PSMD13: variants seen among roughly 807,000 people sequenced by gnomAD.
PSMD13 encodes the protein 26S proteasome non-ATPase regulatory subunit 13.
In PSMD13, 8 loss-of-function variants were observed where a neutral mutation model predicts 57.4. The observed-to-expected ratio is 0.14, with a 90% CI of 0.08 to 0.25. The LOEUF (loss-of-function observed/expected upper bound fraction) is 0.25. Among genes scored for constraint, PSMD13 ranks in the 10% least tolerant of loss-of-function variants. The pLI is 1.00. For synonymous variants in PSMD13, 193 were observed against 168.2 expected (o/e 1.15, Z -1.14); for missense variants, 400 against 461.5 (o/e 0.87, Z 1.22).
chr11:248,682 A>G (rs1173701498), intron 7 of PSMD13, 94 bp from the exon 8 acceptor site: 2 of 1,208,434 alleles, frequency 1.7e-6, no homozygotes, highest in Non-Finnish European at 2.4e-6. Flanking sequence ...ATTACAAACA[A>G]TGTTTTTTTA....
intron 1 of PSMD13, among the ~76,000 whole-genome samples, chr11:237,562 T>C (rs186598428): frequency 1.3e-5 from 2 of 152,374 alleles, no homozygotes; most frequent in African/African-American, 4.8e-5. Context: ...GATTCGTGCT[T>C]AGCCTTGTCA....
intron 6 of PSMD13, among the ~76,000 whole-genome samples, chr11:245,704 GTGTGTGTTTGTGTGTGTGTGTT>G (rs879910637): frequency 0.058 from 1,173 of 20,316 alleles, 17 homozygotes; most frequent in African/African-American, 0.12. Flanking sequence ...TCGTGTGTTT[GTGTGTGTTTGTGTGTGTGTGTT>G]TGTGTGTGTG....
chr11:245,693 T>TGTGTGTGTGTGTG (rs1859628745), intron 6 of PSMD13, among the ~76,000 whole-genome samples: 1 of 86,830 alleles, frequency 1.2e-5, no homozygotes, highest in Admixed American at 1.2e-4. Flanking sequence ...TGCATGTGTG[T>TGTGTGTGTGTGTG]TCGTGTGTTT....
rs905021295 is a variant in PSMD13 at position 249,397 on chromosome 11, G to C, written c.774+340G>C. ...GAATGAGTGAAGAGGTACGGGAAGAGTGCACTCAGCGGAGAAAACGGAAAA... is the reference window on the plus strand; with the variant it reads ...GAATGAGTGAAGAGGTACGGGAAGACTGCACTCAGCGGAGAAAACGGAAAA... On this transcript the variant is annotated intron_variant, in intron 9 of 12. Coordinates refer to ENST00000532097, the MANE Select transcript of PSMD13 (RefSeq NM_002817.4). Among the ~76,000 whole-genome samples, 5 of 152,078 alleles carry C rather than the reference G, an allele frequency of 3.3e-5. 1 individual carries two copies. In the South Asian group the frequency reaches 8.3e-4, roughly 25 times the overall value.
intron 1 of PSMD13, among the ~76,000 whole-genome samples, chr11:237,463 C>G (rs752728050): frequency 3.3e-5 from 5 of 152,204 alleles, no homozygotes; most frequent in African/African-American, 4.8e-5. Flanking sequence ...TAAAACGGTT[C>G]AGGAGTAGCC....
chr11:252,069 ACTG>A lies in PSMD13; in HGVS notation c.1035+137_1035+139del. ...GACAAGAGGTTTTGGAGAAGGAAAT[ACTG>A]CTGTTGGGTTTTTCTAAGAGCCTAA... On this transcript the variant is annotated intron_variant, in intron 12 of 12. Coordinates refer to ENST00000532097, the MANE Select transcript of PSMD13 (RefSeq NM_002817.4). This position sits in a 1 kb window ranked among gnomAD's most constrained non-coding sequence, Gnocchi z 4.1. The A allele has an allele frequency of 1.2e-6, 1 of 843,362 alleles. No individual in the cohort carries two copies. The highest frequency in any genetic ancestry group is 1.9e-6 in the Non-Finnish European group (1 of 524,742). 52.2% of individuals were successfully genotyped at this position (843,362 alleles called of 1,614,324 possible). A position where few individuals can be genotyped will look rare whatever the true frequency, so the allele number is the denominator to read the frequency against.
intron 7 of PSMD13, chr11:247,790 A>G (rs940866364): frequency 6.1e-5 from 11 of 179,574 alleles, no homozygotes; most frequent in African/African-American, 2.1e-4. Flanking sequence ...CCAAGATTGT[A>G]CCACTGCACC....
chr11:250,361 C>G (rs931245381), intron 9 of PSMD13, among the ~76,000 whole-genome samples: 4 of 152,192 alleles, frequency 2.6e-5, no homozygotes, highest in African/African-American at 9.6e-5. Flanking sequence ...CAGAACAAGT[C>G]TCTAGAACTT....
intron 2 of PSMD13, among the ~76,000 whole-genome samples, chr11:239,307 T>C (rs993265311): frequency 1.2e-4 from 19 of 152,238 alleles, no homozygotes; most frequent in African/African-American, 3.9e-4. Context: ...TAACTTACCA[T>C]AGATCACTGC....
At chr11:237,847 A>C (rs1859378636) in intron 1 of PSMD13, among the ~76,000 whole-genome samples, 1 of 152,256 alleles carries the variant, frequency 6.6e-6, no homozygotes, top group South Asian at 2.1e-4. Context: ...GAGTAGAATA[A>C]ATTGCTGGCA....
In PSMD13 at chr11:252,123, C is replaced by G; in HGVS notation, c.1035+187C>G. 3 of 582,392 alleles carry G rather than the reference C, an allele frequency of 5.2e-6. No individual in the cohort carries two copies. Among genetic ancestry groups the G allele is most frequent in the Non-Finnish European group, 9.1e-6 (3 of 329,358 alleles). The allele number at this position is 582,392 out of a possible 1,614,324, so 36.1% of individuals were successfully genotyped here. On this transcript the variant is annotated intron_variant, in intron 12 of 12. Transcript: ENST00000532097. The surrounding 1 kb of genome is among the most constrained non-coding windows in gnomAD (Gnocchi z 4.1). ...TTTAATGCAAGCCTAGGGTTTGAAC[C>G]CTGCATTTAAAAGCTTATGATGACA...
chr11:251,231 A>ACT lies in PSMD13; in HGVS notation c.838-315_838-314insCT. On this transcript the variant is annotated intron_variant, in intron 10 of 12. Coordinates refer to ENST00000532097, the MANE Select transcript of PSMD13 (RefSeq NM_002817.4). This position sits in a 1 kb window ranked among gnomAD's most constrained non-coding sequence, Gnocchi z 4.6. The stretch of plus-strand genomic sequence containing the variant: ...CACTAGAACTTAAGCTTCGTCAGGA[A>ACT]GTGGCCCTTAGATTTCTGGTTTGCC... 1 of 445,598 alleles carries ACT rather than the reference A, an allele frequency of 2.2e-6. No homozygotes were observed. Among genetic ancestry groups the ACT allele is most frequent in the South Asian group, 2.8e-5 (1 of 35,974 alleles). 27.6% of individuals were successfully genotyped at this position (445,598 alleles called of 1,614,324 possible).
At chr11:240,475 GT>G (rs1251192899) in intron 2 of PSMD13, among the ~76,000 whole-genome samples, 3 of 152,126 alleles carry the variant, frequency 2.0e-5, no homozygotes. Flanking sequence ...ATTCATAATT[GT>G]TTATCTCTGT....
Position 251,815 on chromosome 11 carries a change from C to T in PSMD13, c.919-5C>T. On this transcript the variant is annotated splice_polypyrimidine_tract_variant and splice_region_variant and intron_variant, in intron 11 of 12. Transcript: ENST00000532097. The surrounding 1 kb of genome is among the most constrained non-coding windows in gnomAD (Gnocchi z 4.6). ...TGTCTTACACACGCCTCCCTCTCTGCACAGGTGGAGCTTCTGGTGATGAAG... is the reference window on the plus strand; with the variant it reads ...TGTCTTACACACGCCTCCCTCTCTGTACAGGTGGAGCTTCTGGTGATGAAG... 2 of 1,613,508 alleles carry T rather than the reference C, an allele frequency of 1.2e-6. No individual in the cohort carries two copies. The highest frequency in any genetic ancestry group is 2.2e-5 in the East Asian group (1 of 44,888).
At chr11:247,501 G>C in intron 7 of PSMD13, 53 bp downstream of exon 7, 1 of 1,573,874 alleles carries the variant, frequency 6.4e-7, no homozygotes. Context: ...TCCAAACTTA[G>C]CATCTGTGAG....
At chr11:244,387 G>A (rs746324720) in intron 4 of PSMD13, 39 bp from the exon 5 acceptor site, 2 of 1,598,916 alleles carry the variant, frequency 1.3e-6, no homozygotes, top group Admixed American at 1.7e-5. Context: ...GCAGAAACCA[G>A]TCTGTTGATG....
At position 244,024 on chromosome 11, in the gene PSMD13, A is replaced by C; in HGVS notation, c.175-17A>C. On this transcript the variant is annotated splice_polypyrimidine_tract_variant and intron_variant, in intron 2 of 12. Coordinates refer to ENST00000532097, the MANE Select transcript of PSMD13 (RefSeq NM_002817.4). ...AAAAGACATCCTATAATTTCTCTCC[A>C]TGTTTTGGTTTCACAGCTTTATGAA... 6.3e-7 allele frequency: 1 copy of C among 1,599,824 alleles called. No individual in the cohort carries two copies. The highest frequency in any genetic ancestry group is 8.5e-7 in the Non-Finnish European group (1 of 1,170,746).
chr11:244,857 A>C, intron 6 of PSMD13, 96 bp downstream of exon 6: 1 of 1,031,648 alleles, frequency 9.7e-7, no homozygotes, highest in Non-Finnish European at 1.4e-6. Context: ...TGTTTATTTT[A>C]AAACATTTTT....
intron 7 of PSMD13, chr11:247,653 G>A (rs1313100835): frequency 1.3e-5 from 6 of 456,154 alleles, no homozygotes; most frequent in African/African-American, 2.0e-5. Flanking sequence ...CCAACATGGT[G>A]AAACCCTGTC....
Sources: gnomAD v4.1 joint callset for allele counts (sites outside exome capture counted in the v4.1 genomes callset) on GRCh38, gnomAD v4.1.1 for gene constraint, Gnocchi (gnomAD v3.1) non-coding constraint, MANE v1.5 for transcripts, NCBI Gene and HGNC (gene_info 2026-07-23, HGNC 2026-07-21) for gene names.